BTAF1: variants seen among roughly 807,000 people sequenced by gnomAD.
The protein encoded by BTAF1 is B-TFIID TATA-box binding protein associated factor 1, also known as TATA-binding protein-associated factor 172.
BTAF1 carries 38 observed loss-of-function variants against 227.1 expected under a neutral mutation model. The observed-to-expected ratio is 0.17, with a 90% confidence interval of 0.13 to 0.22. The LOEUF (loss-of-function observed/expected upper bound fraction) is 0.22. Ranked by LOEUF, BTAF1 falls within the 10% of genes least tolerant of loss-of-function variation. BTAF1 has a pLI of 1.00. For missense variants in BTAF1, 1,598 were observed against 2,204.0 expected (o/e 0.73, Z 5.51); for synonymous variants, 742 against 751.9 (o/e 0.99, Z 0.21).
chr10:91,982,424 A>G, intron 17 of BTAF1, 163 bp from the exon 18 acceptor site: 1 of 1,064,662 alleles, frequency 9.4e-7, no homozygotes, highest in Non-Finnish European at 1.3e-6. Context: ...ATATCTTCTT[A>G]TGAAGACAAG....
chr10:91,962,475 A>G lies in BTAF1; in HGVS notation c.1264-63A>G, dbSNP rs144934681. The G allele has an allele frequency of 1.0e-5, 13 of 1,242,348 alleles. No homozygotes were observed. In the East Asian group the frequency reaches 3.2e-4, roughly 31 times the overall value. The allele number at this position is 1,242,348 out of a possible 1,614,324, so 77.0% of individuals were successfully genotyped here. On this transcript the variant is annotated intron_variant, in intron 11 of 37. Transcript: ENST00000265990. ...TGTCATGTGGCAAATTTAAATTTTA[A>G]AATGTTTAAGCACAGTAACTGTAGA...
intron 25 of BTAF1, among the ~76,000 whole-genome samples, chr10:92,000,578 G>A (rs776729703): frequency 1.3e-5 from 2 of 152,148 alleles, no homozygotes; most frequent in Non-Finnish European, 2.9e-5. Context: ...GTTTGTTTGA[G>A]TTGGAGTTTT....
chr10:91,926,622 A>G (rs1266696606), intron 1 of BTAF1, among the ~76,000 whole-genome samples: 6 of 152,144 alleles, frequency 3.9e-5, no homozygotes, highest in South Asian at 2.1e-4. Context: ...GCTACATCCA[A>G]TCTTTTGAAA....
intron 21 of BTAF1, 83 bp from the exon 22 acceptor site, chr10:91,993,611 G>T: frequency 9.2e-7 from 1 of 1,088,028 alleles, no homozygotes; most frequent in South Asian, 3.4e-5. Context: ...CTTAGATGGT[G>T]ACTTTTAAAT....
At chr10:91,980,409 C>T in intron 14 of BTAF1, 45 bp from the exon 15 acceptor site, 1 of 1,386,320 alleles carries the variant, frequency 7.2e-7, no homozygotes, top group Non-Finnish European at 1.0e-6. Context: ...AAGCTAACAT[C>T]CAAGAATTAT....
chr10:91,990,232 C>T (rs1786385246), intron 20 of BTAF1, among the ~76,000 whole-genome samples: 2 of 152,132 alleles, frequency 1.3e-5, no homozygotes, highest in South Asian at 4.1e-4. Context: ...ATGTAGTAGA[C>T]TTACAGCTTT....
chr10:92,024,158 G>A (rs1158284264), intron 34 of BTAF1, among the ~76,000 whole-genome samples: 2 of 152,272 alleles, frequency 1.3e-5, no homozygotes, highest in East Asian at 3.9e-4. Context: ...AAAGATCTTG[G>A]TCTACAGATA....
At chr10:92,021,492 A>G (rs773178466) in intron 34 of BTAF1, among the ~76,000 whole-genome samples, 20 of 152,124 alleles carry the variant, frequency 1.3e-4, no homozygotes, top group Admixed American at 3.3e-4. Context: ...TGGGGGCATC[A>G]TAGTTTCACT....
At chr10:91,994,933 T>C (rs945445734) in intron 23 of BTAF1, among the ~76,000 whole-genome samples, 3 of 152,122 alleles carry the variant, frequency 2.0e-5, no homozygotes, top group Admixed American at 6.5e-5. Flanking sequence ...GAAAGAAAAC[T>C]GCAGCCCTGT....
chr10:91,981,613 T>A (rs974885731), intron 15 of BTAF1, 30 bp from the exon 16 acceptor site: 1 of 1,547,666 alleles, frequency 6.5e-7, no homozygotes, highest in South Asian at 1.2e-5. Flanking sequence ...TAGAAAAAAT[T>A]CACTTTCATG....
Position 91,949,965 on chromosome 10 carries a change from A to G in BTAF1, c.401-1438A>G, listed in dbSNP as rs551605972. 7.9e-5 allele frequency among the ~76,000 whole-genome samples: 12 copies of G among 152,102 alleles called. No individual in the cohort carries two copies. The East Asian group carries it at 1.4e-3, about 17-fold the overall frequency. On this transcript the variant is annotated intron_variant, in intron 4 of 37. Coordinates refer to ENST00000265990, the MANE Select transcript of BTAF1 (RefSeq NM_003972.3). ...AGCCTGGGCAAACATAATAAACCCC[A>G]TCTCTAAAATTAAAAATTAAAAAAA...
At chr10:92,013,582 TA>T (rs1850513195) in intron 30 of BTAF1, 84 bp from the exon 31 acceptor site, 1 of 1,523,012 alleles carries the variant, frequency 6.6e-7, no homozygotes, top group South Asian at 1.1e-5. Context: ...TATATGATTA[TA>T]ATAATGGGCT....
chr10:91,930,996 T>A (rs1844243434), intron 1 of BTAF1, among the ~76,000 whole-genome samples: 1 of 152,228 alleles, frequency 6.6e-6, no homozygotes, highest in African/African-American at 2.4e-5. Context: ...CGAGATGTTT[T>A]AGAGTGGAAA....
At chr10:91,940,090 T>C in intron 3 of BTAF1, 24 bp downstream of exon 3, 1 of 1,500,124 alleles carries the variant, frequency 6.7e-7, no homozygotes, top group East Asian at 2.3e-5. Flanking sequence ...GAGAAAGTAG[T>C]TTTAAGTAAA....
At chr10:91,947,635 C>T (rs1137823) in intron 4 of BTAF1, among the ~76,000 whole-genome samples, 5 of 149,546 alleles carry the variant, frequency 3.3e-5, no homozygotes, top group African/African-American at 1.2e-4. Flanking sequence ...AATCAAGATG[C>T]ATGAGCCTCC....
intron 2 of BTAF1, among the ~76,000 whole-genome samples, chr10:91,936,278 C>G (rs892159366): frequency 1.3e-5 from 2 of 152,062 alleles, no homozygotes; most frequent in Admixed American, 6.5e-5. Flanking sequence ...ACTCTGTATG[C>G]GTATTGAAGT....
chr10:91,937,298 T>C (rs754745301), intron 2 of BTAF1, among the ~76,000 whole-genome samples: 1 of 152,180 alleles, frequency 6.6e-6, no homozygotes, highest in Non-Finnish European at 1.5e-5. Context: ...TGGCCGGTTT[T>C]GTTTCTTAAA....
At chr10:91,956,421 G>A (rs945961904) in intron 6 of BTAF1, 107 bp from the exon 7 acceptor site, 4 of 1,280,610 alleles carry the variant, frequency 3.1e-6, no homozygotes, top group East Asian at 5.5e-5. Flanking sequence ...TTTAAATGAT[G>A]GATTATCTTA....
chr10:91,934,517 ATGACCACGCCCAGC>A (rs1287227731), intron 1 of BTAF1, among the ~76,000 whole-genome samples: 3 of 152,120 alleles, frequency 2.0e-5, no homozygotes, highest in African/African-American at 4.8e-5. Context: ...GATTACAGAC[ATGACCACGCCCAGC>A]TGAGTTTCCT....
Sources: allele counts gnomAD v4.1 joint callset (sites outside exome capture counted in the v4.1 genomes callset), GRCh38; gene constraint gnomAD v4.1.1; transcripts MANE v1.5; gene names NCBI Gene and HGNC (gene_info 2026-07-23, HGNC 2026-07-21).